The following HCRTR2 variants were observed in gnomAD, a reference collection of about 807,000 sequenced individuals.
HCRTR2 encodes hypocretin receptor 2, also known as orexin receptor type 2.
HCRTR2 carries 22 observed loss-of-function variants against 49.0 expected under a neutral mutation model. The observed-to-expected ratio is 0.45, with a 90% confidence interval of 0.32 to 0.64. The LOEUF is 0.64. HCRTR2 is among the 30% of genes least tolerant of loss of function. The pLI, the probability that HCRTR2 is intolerant of heterozygous loss-of-function variation, is 0.04. For missense variants in HCRTR2, 491 were observed against 559.4 expected (o/e 0.88, Z 1.23); for synonymous variants, 236 against 205.3 (o/e 1.15, Z -1.28).
intron 1 of HCRTR2, among the ~76,000 whole-genome samples, chr6:55,213,482 T>C (rs970179741): frequency 3.3e-5 from 5 of 152,134 alleles, no homozygotes; most frequent in African/African-American, 1.2e-4. Flanking sequence ...ATGGAACCAC[T>C]GACTCAAAAA....
intron 1 of HCRTR2, among the ~76,000 whole-genome samples, chr6:55,226,671 T>C (rs1394169054): frequency 1.3e-5 from 2 of 151,594 alleles, no homozygotes; most frequent in African/African-American, 2.4e-5. Flanking sequence ...CATGTATTTA[T>C]GTTTAGGCTC....
rs539705138 is a variant in HCRTR2, at chr6:55,213,151, G to A, written c.224-35488G>A. 3.3e-5 allele frequency among the ~76,000 whole-genome samples: 5 copies of A among 152,150 alleles called. No homozygotes were observed. In the South Asian group the frequency reaches 6.2e-4, roughly 19 times the overall value. The stretch of plus-strand genomic sequence containing the variant: ...CCTAGGTAGAAATAAGAAGGAGCTA[G>A]TACAGAAAGCAAATGCCTAAGGTGT... On this transcript the variant is annotated intron_variant, in intron 1 of 6. Transcript: ENST00000370862.
downstream of HCRTR2, among the ~76,000 whole-genome samples, chr6:55,284,164 G>A (rs1050161839): frequency 6.6e-6 from 1 of 152,048 alleles, no homozygotes; most frequent in African/African-American, 2.4e-5. Flanking sequence ...CTCAGAGGAA[G>A]AGTAAATTCC....
intron 1 of HCRTR2, among the ~76,000 whole-genome samples, chr6:55,200,620 C>T (rs1765496866): frequency 6.6e-6 from 1 of 152,138 alleles, no homozygotes; most frequent in South Asian, 2.1e-4. Flanking sequence ...TTATAATTTT[C>T]CATGAGTCCA....
intron 1 of HCRTR2, among the ~76,000 whole-genome samples, chr6:55,183,469 T>C (rs902675704): frequency 6.6e-6 from 1 of 152,190 alleles, no homozygotes; most frequent in African/African-American, 2.4e-5. Flanking sequence ...GCTGAAGCAG[T>C]AAATAAGGAT....
At chr6:55,136,747 G>A (rs1164115371) in intron 1 of HCRTR2, among the ~76,000 whole-genome samples, 2 of 152,108 alleles carry the variant, frequency 1.3e-5, no homozygotes, top group African/African-American at 4.8e-5. Context: ...ATTAGGATAA[G>A]CAGTAACAGA....
At chr6:55,261,657 A>G (rs1562025782) in intron 3 of HCRTR2, among the ~76,000 whole-genome samples, 3 of 152,142 alleles carry the variant, frequency 2.0e-5, no homozygotes. Context: ...GTGGAGAGGG[A>G]ACACTTTTAC....
At chr6:55,218,590 C>T (rs1200397209) in intron 1 of HCRTR2, among the ~76,000 whole-genome samples, 1 of 152,022 alleles carries the variant, frequency 6.6e-6, no homozygotes, top group Admixed American at 6.6e-5. Flanking sequence ...GAATGGTAAC[C>T]AGATGAGAGC....
chr6:55,141,999 C>A (rs7767652), intron 1 of HCRTR2, among the ~76,000 whole-genome samples: 2 of 151,600 alleles, frequency 1.3e-5, no homozygotes, highest in Non-Finnish European at 2.9e-5. Context: ...ACATTATAAT[C>A]AAAGAAAGTA....
chr6:55,192,983 T>G (rs1309177120), intron 1 of HCRTR2, among the ~76,000 whole-genome samples: 1 of 152,196 alleles, frequency 6.6e-6, no homozygotes, highest in Non-Finnish European at 1.5e-5. Flanking sequence ...TCAGAGAGAA[T>G]ATGTCAACAT....
chr6:55,277,660 CTT>C (rs11455646), intron 5 of HCRTR2, 60 bp downstream of exon 5: 4,658 of 924,436 alleles, frequency 5.0e-3, no homozygotes, highest in Non-Finnish European at 5.7e-3. Context: ...TCTTAATTAA[CTT>C]TTTTTTTTTT....
intron 1 of HCRTR2, among the ~76,000 whole-genome samples, chr6:55,128,551 T>C (rs1028590959): frequency 2.5e-4 from 38 of 152,344 alleles, no homozygotes; most frequent in African/African-American, 8.9e-4. Context: ...TTCCTATCCA[T>C]GCTCATGGGA....
rs187748849 is a variant in HCRTR2, at chr6:55,260,497, T to C, written c.647-3210T>C. Among the ~76,000 whole-genome samples, 44 of 152,208 alleles carry C rather than the reference T, an allele frequency of 2.9e-4. 1 individual carries two copies. In the South Asian group the frequency reaches 4.4e-3, roughly 15 times the overall value. On this transcript the variant is annotated intron_variant, in intron 3 of 6. Transcript: ENST00000370862. ...ACTGGCCTGCTTTACAGGATCAACTTGAAAGAAAGTTGGAAACTGATGAGG... is the reference window on the plus strand; with the variant it reads ...ACTGGCCTGCTTTACAGGATCAACTCGAAAGAAAGTTGGAAACTGATGAGG...
At chr6:55,221,086 A>G (rs1158474421) in intron 1 of HCRTR2, among the ~76,000 whole-genome samples, 1 of 152,316 alleles carries the variant, frequency 6.6e-6, no homozygotes, top group East Asian at 1.9e-4. Context: ...TTCTGTTTTC[A>G]TGGGTTAGAA....
intron 1 of HCRTR2, among the ~76,000 whole-genome samples, chr6:55,162,228 G>A (rs998949941): frequency 5.5e-4 from 84 of 152,060 alleles, no homozygotes; most frequent in Non-Finnish European, 5.6e-4. Flanking sequence ...CAGAACCAAT[G>A]ACAAAAACCA....
rs1188653549 is a variant in HCRTR2 at position 55,282,264 on chromosome 6, G to T, written c.1145G>T (p.Cys382Phe). 6.2e-7 allele frequency: 1 copy of T among 1,613,810 alleles called. No homozygotes were observed. Among genetic ancestry groups the T allele is most frequent in the Admixed American group, 1.7e-5 (1 of 59,906 alleles). ...GAATTTAAAGCTGCGTTTTCTTGCT[G>T]TTGCCTTGGAGTTCACCATCGCCAG... The part of the protein sequence containing the change: ...REEFKAAFSC[C>F]CLGVHHRQED... Residue 382 changes from cysteine (C) to phenylalanine (F), a missense_variant, in exon 7 of 7, where the codon TGT (cysteine) becomes TTT (phenylalanine). Physicochemically the swap from Cys to Phe is radical, Grantham distance 205. Transcript: ENST00000370862.
chr6:55,248,355 T>A (rs1323589978), intron 1 of HCRTR2, among the ~76,000 whole-genome samples: 1 of 151,968 alleles, frequency 6.6e-6, no homozygotes, highest in Non-Finnish European at 1.5e-5. Context: ...GAAAGATGAA[T>A]CAAAGACCAT....
At chr6:55,277,332 A>C in intron 4 of HCRTR2, 48 bp from the exon 5 acceptor site, 1 of 1,496,408 alleles carries the variant, frequency 6.7e-7, no homozygotes. Flanking sequence ...CCAAAGTGGA[A>C]CTTTCCTAAG....
chr6:55,148,417 C>G (rs539826598), intron 1 of HCRTR2, among the ~76,000 whole-genome samples: 14 of 152,162 alleles, frequency 9.2e-5, no homozygotes, highest in African/African-American at 3.4e-4. Flanking sequence ...GATTATCAGT[C>G]ATTGATTGGA....
Sources: gnomAD v4.1 joint callset for allele counts (sites outside exome capture counted in the v4.1 genomes callset) on GRCh38, gnomAD v4.1.1 for gene constraint, MANE v1.5 for transcripts, NCBI Gene and HGNC (gene_info 2026-07-23, HGNC 2026-07-21) for gene names.